The following DENND1B variants were observed in gnomAD, a reference collection of about 807,000 sequenced individuals.
The protein encoded by DENND1B is DENN domain containing 1B, also known as DENN domain-containing protein 1B.
In DENND1B, 59 loss-of-function variants were observed where a neutral mutation model predicts 90.1. The observed-to-expected ratio is 0.65, with a 90% confidence interval of 0.53 to 0.81. The LOEUF is 0.81. DENND1B is among the 40% of genes least tolerant of loss of function. The probability of loss-of-function intolerance (pLI) is 0.00; values close to 1 mark genes in which losing one functional copy is unlikely to be tolerated. For missense variants in DENND1B, 862 were observed against 912.6 expected, an observed-to-expected ratio of 0.94 and a Z score of 0.71; for synonymous variants, 337 against 324.6, an observed-to-expected ratio of 1.04 and a Z score of -0.41.
chr1:197,577,296 C>A (rs6676073), intron 15 of DENND1B, among the ~76,000 whole-genome samples: 1 of 151,974 alleles, frequency 6.6e-6, no homozygotes, highest in Non-Finnish European at 1.5e-5. Context: ...AGCTACATTG[C>A]GGTATAGAAT....
rs192598972 is a variant in DENND1B at position 197,681,681 on chromosome 1, T to G, written c.127-7512A>C. Among the ~76,000 whole-genome samples, 365 of 152,286 alleles carry G rather than the reference T, an allele frequency of 2.4e-3. 1 individual carries two copies. Among genetic ancestry groups the G allele is most frequent in the Non-Finnish European group, 3.9e-3 (262 of 67,998 alleles). On this transcript the variant is annotated intron_variant, in intron 3 of 22. Transcript: ENST00000620048. ...CTATCATTGCCTTGTATTACAGAATTTTGGTTTCTATTTTACTTTTGAAGC... is the reference window on the plus strand; with the variant it reads ...CTATCATTGCCTTGTATTACAGAATGTTGGTTTCTATTTTACTTTTGAAGC...
chr1:197,612,086 C>A, intron 11 of DENND1B, 110 bp from the exon 12 acceptor site: 1 of 756,678 alleles, frequency 1.3e-6, no homozygotes, highest in Admixed American at 2.7e-5. Context: ...TGCTCAGTTC[C>A]AGCATAACAC....
At chr1:197,698,353 C>T (rs910632265) in intron 3 of DENND1B, among the ~76,000 whole-genome samples, 1 of 152,074 alleles carries the variant, frequency 6.6e-6, no homozygotes, top group Non-Finnish European at 1.5e-5. Context: ...TCAAGAAGTT[C>T]TTTGAAACCA....
intron 5 of DENND1B, among the ~76,000 whole-genome samples, chr1:197,670,382 C>G (rs916245634): frequency 6.7e-6 from 1 of 148,862 alleles, no homozygotes; most frequent in Non-Finnish European, 1.5e-5. Context: ...CAAATCTTAC[C>G]TGAAAATGAT....
chr1:197,746,492 TAAAC>T (rs529348806), intron 2 of DENND1B, among the ~76,000 whole-genome samples: 5 of 152,086 alleles, frequency 3.3e-5, no homozygotes, highest in Non-Finnish European at 2.9e-5. Context: ...TACAAATAAA[TAAAC>T]AAAATTCTAT....
intron 20 of DENND1B, among the ~76,000 whole-genome samples, chr1:197,523,665 TAGC>T (rs1244180242): frequency 6.6e-6 from 1 of 152,122 alleles, no homozygotes; most frequent in African/African-American, 2.4e-5. Flanking sequence ...CACAAGATAA[TAGC>T]AGCCCATTAC....
chr1:197,687,390 T>A (rs1657359115), intron 3 of DENND1B, among the ~76,000 whole-genome samples: 1 of 152,206 alleles, frequency 6.6e-6, no homozygotes, highest in African/African-American at 2.4e-5. Flanking sequence ...TTTTTCCATT[T>A]GCAACAACTG....
chr1:197,573,076 C>T (rs1171884901), intron 15 of DENND1B, among the ~76,000 whole-genome samples: 2 of 152,066 alleles, frequency 1.3e-5, no homozygotes, highest in East Asian at 1.9e-4. Flanking sequence ...TTTGTTGATC[C>T]TTTCAAAAAA....
intron 10 of DENND1B, among the ~76,000 whole-genome samples, chr1:197,630,716 G>A (rs746905790): frequency 3.9e-5 from 6 of 151,940 alleles, no homozygotes; most frequent in Non-Finnish European, 8.8e-5. Context: ...CTTCCTTCAA[G>A]TATTCATTCT....
intron 13 of DENND1B, among the ~76,000 whole-genome samples, chr1:197,602,865 T>G (rs1676329475): frequency 6.6e-6 from 1 of 151,506 alleles, no homozygotes; most frequent in African/African-American, 2.4e-5. Context: ...AGTTCTTACA[T>G]GCTCTTAATG....
chr1:197,776,724 A>G (rs1657288562), upstream of DENND1B, among the ~76,000 whole-genome samples: 1 of 152,200 alleles, frequency 6.6e-6, no homozygotes, highest in African/African-American at 2.4e-5. Flanking sequence ...CTTTCTTGCC[A>G]AAATTGGGTA....
intron 8 of DENND1B, among the ~76,000 whole-genome samples, chr1:197,646,578 AAT>A (rs1572180454): frequency 6.6e-6 from 1 of 152,004 alleles, no homozygotes; most frequent in Admixed American, 6.6e-5. Context: ...CATATTTAAT[AAT>A]ATCTTATTAT....
At chr1:197,594,345 T>C (rs1323978658) in intron 14 of DENND1B, among the ~76,000 whole-genome samples, 3 of 152,158 alleles carry the variant, frequency 2.0e-5, no homozygotes, top group African/African-American at 4.8e-5. Context: ...GAGTTACAAC[T>C]GAGTTATCCT....
At chr1:197,668,179 CA>C (rs886887437) in intron 5 of DENND1B, among the ~76,000 whole-genome samples, 77 of 152,110 alleles carry the variant, frequency 5.1e-4, no homozygotes, top group African/African-American at 1.6e-3. Context: ...AGATCATAAA[CA>C]ATTTCTCTAA....
chr1:197,523,111 AG>A (rs1452242362), intron 20 of DENND1B, among the ~76,000 whole-genome samples: 1 of 152,142 alleles, frequency 6.6e-6, no homozygotes, highest in Admixed American at 6.6e-5. Context: ...TCAGGCTTGC[AG>A]GAAGTGACAG....
intron 5 of DENND1B, among the ~76,000 whole-genome samples, chr1:197,662,111 A>C (rs975423662): frequency 2.6e-5 from 4 of 152,058 alleles, no homozygotes; most frequent in African/African-American, 9.7e-5. Flanking sequence ...CTATGACTTC[A>C]TCTATAAATT....
chr1:197,627,863 C>G (rs186458631), intron 10 of DENND1B, among the ~76,000 whole-genome samples: 2 of 152,216 alleles, frequency 1.3e-5, no homozygotes, highest in African/African-American at 4.8e-5. Flanking sequence ...ACAAAAATCA[C>G]AAGCATTCTT....
intron 10 of DENND1B, among the ~76,000 whole-genome samples, chr1:197,625,781 A>G (rs1678644265): frequency 6.6e-6 from 1 of 152,172 alleles, no homozygotes; most frequent in Admixed American, 6.6e-5. Context: ...TCTCACATGC[A>G]GAGACACACA....
chr1:197,628,051 C>G (rs1349486990), intron 10 of DENND1B, among the ~76,000 whole-genome samples: 1 of 152,146 alleles, frequency 6.6e-6, no homozygotes, highest in Non-Finnish European at 1.5e-5. Context: ...GAAGAACATT[C>G]CATGCTCATG....
Sources: gnomAD v4.1 joint callset for allele counts (sites outside exome capture counted in the v4.1 genomes callset) on GRCh38, gnomAD v4.1.1 for gene constraint, MANE v1.5 for transcripts, NCBI Gene and HGNC (gene_info 2026-07-23, HGNC 2026-07-21) for gene names.